Variants in SYNGR2 observed in about 807,000 individuals in gnomAD.
SYNGR2 encodes synaptogyrin 2, also known as synaptogyrin-2.
SYNGR2 carries 11 observed loss-of-function variants against 18.7 expected under a neutral mutation model. The observed-to-expected ratio is 0.59, with a 90% CI of 0.37 to 0.97. SYNGR2 has a LOEUF of 0.97. SYNGR2 is among the 50% of genes least tolerant of loss of function. The pLI is 0.01. For missense variants in SYNGR2, 253 were observed against 300.7 expected, an observed-to-expected ratio of 0.84 and a Z score of 1.17; for synonymous variants, 127 against 131.0, an observed-to-expected ratio of 0.97 and a Z score of 0.21.
At position 78,171,273 on chromosome 17, in the gene SYNGR2, C is replaced by A; in HGVS notation, c.337+219C>A. On this transcript the variant is annotated intron_variant, in intron 2 of 3. Coordinates refer to ENST00000225777, the MANE Select transcript of SYNGR2 (RefSeq NM_004710.7). This position sits in a 1 kb window ranked among gnomAD's most constrained non-coding sequence, Gnocchi z 6.6. ...TGAGTGGACCTGCAGCACACCCGAG[C>A]AGATGGGCTTTGCCTCTGCCCCTTT... 2 of 662,378 alleles carry A rather than the reference C, an allele frequency of 3.0e-6. No individual in the cohort carries two copies. The highest frequency in any genetic ancestry group is 1.9e-5 in the South Asian group (1 of 51,530). 41.0% of individuals were successfully genotyped at this position (662,378 alleles called of 1,614,324 possible). A position where few individuals can be genotyped will look rare whatever the true frequency, so the allele number is the denominator to read the frequency against.
Position 78,171,556 on chromosome 17 carries a change from C to G in SYNGR2, c.384C>G (p.Asn128Lys), listed in dbSNP as rs781578409. The G allele has an allele frequency of 6.5e-7, 1 of 1,535,642 alleles. No individual in the cohort carries two copies. The highest frequency in any genetic ancestry group is 8.8e-7 in the Non-Finnish European group (1 of 1,141,284). ...TTGTTGGTTTCTGCTTCCTCACCAA[C>G]CAGTGGGCAGTCACCAACCCGAAGG... ...LWFVGFCFLT[N>K]QWAVTNPKDV... The change falls in exon 3 of 4, where the codon AAC becomes AAG. Residue 128 changes from asparagine to lysine, a missense_variant. Transcript: ENST00000225777. This position sits in a 1 kb window ranked among gnomAD's most constrained non-coding sequence, Gnocchi z 6.6.
chr17:78,170,895 G>A lies in SYNGR2; in HGVS notation c.178G>A (p.Val60Met), dbSNP rs78947498. The change falls in exon 2 of 4, where the codon GTG becomes ATG. Residue 60 changes from valine (V) to methionine (M), a missense_variant. Coordinates refer to ENST00000225777, the MANE Select transcript of SYNGR2 (RefSeq NM_004710.7). Reference sequence around the variant, plus strand: ...CCACGAGTCTAAGCAGATGTACTGCGTGTTCAACCGCAACGAGGATGCCTG... The same window carrying A: ...CCACGAGTCTAAGCAGATGTACTGCATGTTCAACCGCAACGAGGATGCCTG... ...NAHESKQMYC[V>M]FNRNEDACRY... The A allele has an allele frequency of 1.5e-5, 24 of 1,613,482 alleles. No individual in the cohort carries two copies. Among genetic ancestry groups the A allele is most frequent in the East Asian group, 1.1e-4 (5 of 44,860 alleles).
At chr17:78,169,300 A>T (rs1247304446) in intron 1 of SYNGR2, 2 of 142,812 alleles carry the variant, frequency 1.4e-5, no homozygotes, top group Non-Finnish European at 3.0e-5. Flanking sequence ...GTTCTTGGAC[A>T]GCCAGCCCTG....
At position 78,171,598 on chromosome 17, in the gene SYNGR2, C is replaced by T. The variant is rs866490144; in HGVS notation, c.426C>T (p.Ala142=). Residue 142 remains alanine, a synonymous_variant, in exon 3 of 4, where the codon GCC becomes GCT. Transcript: ENST00000225777. This position sits in a 1 kb window ranked among gnomAD's most constrained non-coding sequence, Gnocchi z 6.6. ...VTNPKDVLVG[A]DSVRAAITFS... is the part of the protein sequence containing the mutation. ...ACCCGAAGGACGTGCTGGTGGGGGC[C>T]GACTCTGTGAGGGCAGCCATCACCT... 1.1e-5 allele frequency: 17 copies of T among 1,565,318 alleles called. No homozygotes were observed. Among genetic ancestry groups the T allele is most frequent in the African/African-American group, 2.7e-5 (2 of 73,628 alleles).
Position 78,171,308 on chromosome 17 carries a change from G to A in SYNGR2, c.338-202G>A. ...TTGCCTCTGCCCCTTTTGTCCCCTA[G>A]GCTGTCTGCTGTGGCCCACCCTGCC... On this transcript the variant is annotated intron_variant, in intron 2 of 3. Transcript: ENST00000225777. The surrounding 1 kb of genome is among the most constrained non-coding windows in gnomAD (Gnocchi z 6.6). 1.4e-6 allele frequency: 1 copy of A among 702,062 alleles called. No homozygotes were observed. The highest frequency in any genetic ancestry group is 2.3e-6 in the Non-Finnish European group (1 of 430,806). 43.5% of individuals were successfully genotyped at this position (702,062 alleles called of 1,614,324 possible). A position where few individuals can be genotyped will look rare whatever the true frequency, so the allele number is the denominator to read the frequency against.
rs755311912 is a variant in SYNGR2 at position 78,170,996 on chromosome 17, C to G, written c.279C>G (p.Pro93=). The G allele has an allele frequency of 2.5e-6, 4 of 1,600,900 alleles. No homozygotes were observed. The South Asian group carries it at 4.4e-5, about 18-fold the overall frequency. The change falls in exon 2 of 4, where the codon CCC becomes CCG. Residue 93 remains proline (P), a synonymous_variant. Transcript: ENST00000225777. ...TCTTGGTGGTCGACGCGTATTTCCC[C>G]CAGATCAGCAACGCCACTGACCGCA... ...AFFLVVDAYF[P]QISNATDRKY...
Position 78,172,204 on chromosome 17 carries a change from C to T in SYNGR2, c.*268C>T. On this transcript the variant is annotated 3_prime_UTR_variant, in exon 4 of 4. Transcript: ENST00000225777. ...TAGTGTTTTTCCTCGCTTTTAATGA[C>T]CTCAGCCCCGCCTGCAGTGGCTAGA... The T allele has an allele frequency of 1.4e-6, 1 of 734,636 alleles. No individual in the cohort carries two copies. The highest frequency in any genetic ancestry group is 2.7e-5 in the East Asian group (1 of 36,506). The allele number at this position is 734,636 out of a possible 1,614,324, so 45.5% of individuals were successfully genotyped here. A position where few individuals can be genotyped will look rare whatever the true frequency, so the allele number is the denominator to read the frequency against.
chr17:78,172,035 G>T lies in SYNGR2; in HGVS notation c.*99G>T. On this transcript the variant is annotated 3_prime_UTR_variant, in exon 4 of 4. Coordinates refer to ENST00000225777, the MANE Select transcript of SYNGR2 (RefSeq NM_004710.7). ...AACTGCCAGCCCCTCTCTTTCACCT[G>T]TTCCATCCTGTGCAGCTGACACACA... 1.3e-6 allele frequency: 2 copies of T among 1,575,386 alleles called. No individual in the cohort carries two copies. Among genetic ancestry groups the T allele is most frequent in the Non-Finnish European group, 1.7e-6 (2 of 1,166,538 alleles).
Position 78,170,462 on chromosome 17 carries a change from G to T in SYNGR2, c.100-355G>T, listed in dbSNP as rs537135689. The stretch of plus-strand genomic sequence containing the variant: ...GCCTGTAATCCCAGCACTTTGGGAG[G>T]CCGAGGAGGGTGGATCACCTGAGGT... On this transcript the variant is annotated intron_variant, in intron 1 of 3. Coordinates refer to ENST00000225777, the MANE Select transcript of SYNGR2 (RefSeq NM_004710.7). The T allele has an allele frequency of 1.4e-3, 331 of 237,192 alleles. 4 individuals carry two copies. Among genetic ancestry groups the T allele is most frequent in the South Asian group, 5.4e-3 (107 of 19,722 alleles). 14.7% of individuals were successfully genotyped at this position (237,192 alleles called of 1,614,324 possible).
chr17:78,171,237 T>G lies in SYNGR2; in HGVS notation c.337+183T>G, dbSNP rs2075656187. The G allele has an allele frequency of 4.3e-6, 3 of 690,616 alleles. No homozygotes were observed. Among genetic ancestry groups the G allele is most frequent in the Admixed American group, 5.8e-5 (2 of 34,624 alleles). The allele number at this position is 690,616 out of a possible 1,614,324, so 42.8% of individuals were successfully genotyped here. On this transcript the variant is annotated intron_variant, in intron 2 of 3. Transcript: ENST00000225777. The surrounding 1 kb of genome is among the most constrained non-coding windows in gnomAD (Gnocchi z 6.6). ...TGAATGGCACCAGCCCTGCCTGGGG[T>G]AGCTAGAAGCTGAGTGGACCTGCAG...
At position 78,170,955 on chromosome 17, in the gene SYNGR2, C is replaced by T. The variant is rs1327602669; in HGVS notation, c.238C>T (p.Leu80=). 1.9e-6 allele frequency: 3 copies of T among 1,613,380 alleles called. No individual in the cohort carries two copies. The highest frequency in any genetic ancestry group is 2.5e-6 in the Non-Finnish European group (3 of 1,180,022). Residue 80 remains leucine (L), a synonymous_variant, in exon 2 of 4, where the codon CTG becomes TTG. Transcript: ENST00000225777. ...YGSAIGVLAF[L]ASAFFLVVDA... ...CAGTGCCATCGGGGTGCTGGCCTTC[C>T]TGGCCTCGGCCTTCTTCTTGGTGGT...
Position 78,172,029 on chromosome 17 carries a change from T to C in SYNGR2, c.*93T>C, listed in dbSNP as rs1336817858. 2 of 1,587,670 alleles carry C rather than the reference T, an allele frequency of 1.3e-6. No homozygotes were observed. Among genetic ancestry groups the C allele is most frequent in the African/African-American group, 1.3e-5 (1 of 74,662 alleles). On this transcript the variant is annotated 3_prime_UTR_variant, in exon 4 of 4. Coordinates refer to ENST00000225777, the MANE Select transcript of SYNGR2 (RefSeq NM_004710.7). ...TCCTGGAACTGCCAGCCCCTCTCTT[T>C]CACCTGTTCCATCCTGTGCAGCTGA...
At position 78,172,371 on chromosome 17, in the gene SYNGR2, C is replaced by T. The variant is rs1354992660; in HGVS notation, c.*435C>T. 6.8e-6 allele frequency: 2 copies of T among 292,628 alleles called. No individual in the cohort carries two copies. Among genetic ancestry groups the T allele is most frequent in the Non-Finnish European group, 1.3e-5 (2 of 156,148 alleles). 18.1% of individuals were successfully genotyped at this position (292,628 alleles called of 1,614,324 possible). Reference sequence around the variant, plus strand: ...ACCTGCCCTGTGCAGCGGAGCCGGACCAGGCTCTTGTGTCCTCACTCAGGT... The same window carrying T: ...ACCTGCCCTGTGCAGCGGAGCCGGATCAGGCTCTTGTGTCCTCACTCAGGT... On this transcript the variant is annotated 3_prime_UTR_variant, in exon 4 of 4. Coordinates refer to ENST00000225777, the MANE Select transcript of SYNGR2 (RefSeq NM_004710.7).
At position 78,171,587 on chromosome 17, in the gene SYNGR2, C is replaced by G. The variant is rs1431462314; in HGVS notation, c.415C>G (p.Leu139Val). The part of the protein sequence containing the change: ...QWAVTNPKDV[L>V]VGADSVRAAI... ...GGCAGTCACCAACCCGAAGGACGTG[C>G]TGGTGGGGGCCGACTCTGTGAGGGC... The change falls in exon 3 of 4, where the codon CTG (leucine) becomes GTG (valine). Residue 139 changes from leucine (L) to valine (V), a missense_variant. Physicochemically the swap from Leu to Val is conservative, Grantham distance 32. Coordinates refer to ENST00000225777, the MANE Select transcript of SYNGR2 (RefSeq NM_004710.7). This position sits in a 1 kb window ranked among gnomAD's most constrained non-coding sequence, Gnocchi z 6.6. 9 of 1,553,318 alleles carry G rather than the reference C, an allele frequency of 5.8e-6. No individual in the cohort carries two copies. Among genetic ancestry groups the G allele is most frequent in the Non-Finnish European group, 7.8e-6 (9 of 1,148,268 alleles).
At position 78,171,922 on chromosome 17, in the gene SYNGR2, C is replaced by T. The variant is rs1235227920; in HGVS notation, c.661C>T (p.Pro221Ser). The change falls in exon 4 of 4, where the codon CCC becomes TCC. Residue 221 changes from proline (P) to serine (S), a missense_variant. Transcript: ENST00000225777. This position sits in a 1 kb window ranked among gnomAD's most constrained non-coding sequence, Gnocchi z 6.6. ...GGAGACCACCGAGGGCTACCAGCCG[C>T]CCCCTGTGTACTGAGCGGCGGTTAG... ...NAETTEGYQP[P>S]PVY 2 of 1,613,478 alleles carry T rather than the reference C, an allele frequency of 1.2e-6. No individual in the cohort carries two copies. Among genetic ancestry groups the T allele is most frequent in the Admixed American group, 1.7e-5 (1 of 60,028 alleles).
At position 78,172,277 on chromosome 17, in the gene SYNGR2, C is replaced by A. The variant is rs576110898; in HGVS notation, c.*341C>A. 9.5e-6 allele frequency: 5 copies of A among 525,988 alleles called. No homozygotes were observed. The highest frequency in any genetic ancestry group is 3.4e-6 in the Non-Finnish European group (1 of 298,360). 32.6% of individuals were successfully genotyped at this position (525,988 alleles called of 1,614,324 possible). A position where few individuals can be genotyped will look rare whatever the true frequency, so the allele number is the denominator to read the frequency against. On this transcript the variant is annotated 3_prime_UTR_variant, in exon 4 of 4. Transcript: ENST00000225777. Reference sequence around the variant, plus strand: ...ACTGACAAGTGCCTCAGCTTCCCCCCGGCCCGGGTCAGGCCGTGGGAGCCG... The same window carrying A: ...ACTGACAAGTGCCTCAGCTTCCCCCAGGCCCGGGTCAGGCCGTGGGAGCCG...
chr17:78,168,751 G>A (rs2075636744), intron 1 of SYNGR2, 36 bp downstream of exon 1: 2 of 1,188,558 alleles, frequency 1.7e-6, no homozygotes, highest in Non-Finnish European at 2.1e-6. Flanking sequence ...GGCACCCTGG[G>A]GACCCCCTCT....
At position 78,172,411 on chromosome 17, in the gene SYNGR2, C is replaced by T. The variant is rs1046102577; in HGVS notation, c.*475C>T. The T allele has an allele frequency of 3.6e-5, 8 of 223,688 alleles. No homozygotes were observed. The highest frequency in any genetic ancestry group is 1.5e-4 in the Admixed American group (3 of 19,506). 13.9% of individuals were successfully genotyped at this position (223,688 alleles called of 1,614,324 possible). On this transcript the variant is annotated 3_prime_UTR_variant, in exon 4 of 4. Transcript: ENST00000225777. ...CTCACTCAGGTTTGCTTCCCCTGTGCCCACTGCTGTATGATCTGGGGGCCA... is the reference window on the plus strand; with the variant it reads ...CTCACTCAGGTTTGCTTCCCCTGTGTCCACTGCTGTATGATCTGGGGGCCA...
rs772766603 is a variant in SYNGR2 at position 78,171,488 on chromosome 17, C to G, written c.338-22C>G. 1.3e-6 allele frequency: 2 copies of G among 1,515,174 alleles called. No homozygotes were observed. Among genetic ancestry groups the G allele is most frequent in the Non-Finnish European group, 1.8e-6 (2 of 1,132,666 alleles). The allele number at this position is 1,515,174 out of a possible 1,614,324, so 93.9% of individuals were successfully genotyped here. ...AGCCCCTCCCTTTCCATGGAACTGA[C>G]GCTTCACCCGTCCTCCCCCAGCTCT... On this transcript the variant is annotated intron_variant, in intron 2 of 3. Coordinates refer to ENST00000225777, the MANE Select transcript of SYNGR2 (RefSeq NM_004710.7). This position sits in a 1 kb window ranked among gnomAD's most constrained non-coding sequence, Gnocchi z 6.6.
Sources: allele counts gnomAD v4.1 joint callset, GRCh38; gene constraint gnomAD v4.1.1; non-coding constraint Gnocchi (gnomAD v3.1); transcripts MANE v1.5; gene names NCBI Gene and HGNC (gene_info 2026-07-23, HGNC 2026-07-21).